Variants in PARD3 observed in about 807,000 individuals in gnomAD.
PARD3 encodes the protein partitioning defective 3 homolog.
In PARD3, 75 loss-of-function variants were observed where a neutral mutation model predicts 155.4. The observed-to-expected ratio is 0.48, with a 90% CI of 0.40 to 0.58. PARD3 has a LOEUF of 0.58. PARD3 is among the 20% of genes least tolerant of loss of function. PARD3 has a pLI of 0.00. For synonymous variants in PARD3, 576 were observed against 610.5 expected (o/e 0.94, Z 0.83); for missense variants, 1,642 against 1,721.7 (o/e 0.95, Z 0.82).
chr10:34,492,130 T>C (rs543588743), intron 3 of PARD3, among the ~76,000 whole-genome samples: 10 of 152,310 alleles, frequency 6.6e-5, no homozygotes, highest in African/African-American at 2.2e-4. Context: ...ATCAATCTTA[T>C]TTGATTTTAC....
chr10:34,286,827 C>G (rs1589058095), intron 20 of PARD3, among the ~76,000 whole-genome samples: 2 of 152,188 alleles, frequency 1.3e-5, no homozygotes, highest in East Asian at 3.9e-4. Context: ...GGAGAACGGT[C>G]AGGAGGCTAT....
rs945798595 is a variant in PARD3, at chr10:34,382,637, A to G, written c.1302T>C (p.Ala434=). ...SAHPSGKPPS[A]PASAPQNVFS... ...ATACATTCTGAGGTGCCGAGGCTGGAGCGGATGGTGGTTTTCCCGAGGGGT... is the reference window on the plus strand; with the variant it reads ...ATACATTCTGAGGTGCCGAGGCTGGGGCGGATGGTGGTTTTCCCGAGGGGT... Residue 434 remains alanine (A), a synonymous_variant, in exon 9 of 25, where the codon GCT becomes GCC. Coordinates refer to ENST00000374788, the MANE Select transcript of PARD3 (RefSeq NM_001184785.2). 6.2e-7 allele frequency: 1 copy of G among 1,613,990 alleles called. No individual in the cohort carries two copies. The highest frequency in any genetic ancestry group is 1.7e-5 in the Admixed American group (1 of 59,994).
At position 34,109,588 on chromosome 10, in the gene PARD3, G is replaced by A. The variant is rs1051255915; in HGVS notation, c.*1581C>T. On this transcript the variant is annotated 3_prime_UTR_variant, in exon 25 of 25. Coordinates refer to ENST00000374788, the MANE Select transcript of PARD3 (RefSeq NM_001184785.2). ...CAGGAAGAAATATGCCTTTTATTAG[G>A]AGTTGCATATGTACAGAGAAAGCTG... 5.3e-5 allele frequency: 8 copies of A among 152,126 alleles called. No individual in the cohort carries two copies. The highest frequency in any genetic ancestry group is 1.7e-4 in the African/African-American group (7 of 41,486). 9.4% of individuals were successfully genotyped at this position (152,126 alleles called of 1,614,324 possible).
intron 1 of PARD3, among the ~76,000 whole-genome samples, chr10:34,802,924 T>G (rs1190557163): frequency 6.6e-6 from 1 of 151,810 alleles, no homozygotes. Flanking sequence ...AAGCAGGTGG[T>G]ATTAAAAGGT....
chr10:34,185,626 T>G (rs963008648), intron 22 of PARD3, among the ~76,000 whole-genome samples: 1 of 151,924 alleles, frequency 6.6e-6, no homozygotes, highest in Non-Finnish European at 1.5e-5. Flanking sequence ...CTTTAAGATA[T>G]TTTTTGCCTC....
At chr10:34,278,142 G>C (rs1286713867) in intron 21 of PARD3, among the ~76,000 whole-genome samples, 1 of 151,886 alleles carries the variant, frequency 6.6e-6, no homozygotes, top group African/African-American at 2.4e-5. Context: ...GAACTCCTGG[G>C]CTCAAGACAT....
At chr10:34,417,645 T>C (rs1001316285) in intron 5 of PARD3, among the ~76,000 whole-genome samples, 3 of 152,236 alleles carry the variant, frequency 2.0e-5, no homozygotes, top group Admixed American at 6.5e-5. Flanking sequence ...AAGGAAATAA[T>C]GAGTGCATTT....
Position 34,517,092 on chromosome 10 carries a change from C to T in PARD3, c.290G>A (p.Gly97Asp), listed in dbSNP as rs768411567. Residue 97 changes from glycine to aspartate, a missense_variant, in exon 3 of 25, where the codon GGT becomes GAT. By Grantham distance (94) the Gly-to-Asp change is moderately conservative (BLOSUM62 -1). This residue lies in a region of PARD3 where 38 missense variants were observed against 69.1 expected (regional missense o/e 0.55). Transcript: ENST00000374788. ...ACCAAATATCTCTGGGCTCTGGGTA[C>T]CCGTGGAACTGGCACTGGTGCCATC... ...GGDGTSASST[G>D]TQSPEIFGSE... 2 of 1,614,168 alleles carry T rather than the reference C, an allele frequency of 1.2e-6. No individual in the cohort carries two copies. Among genetic ancestry groups the T allele is most frequent in the East Asian group, 2.2e-5 (1 of 44,868 alleles).
intron 5 of PARD3, among the ~76,000 whole-genome samples, chr10:34,446,012 T>C (rs940436745): frequency 1.3e-5 from 2 of 152,170 alleles, no homozygotes; most frequent in Non-Finnish European, 2.9e-5. Flanking sequence ...GATTTTGATA[T>C]GGGCAGAAGA....
chr10:34,208,014 C>T (rs545900618), intron 22 of PARD3, among the ~76,000 whole-genome samples: 13 of 152,202 alleles, frequency 8.5e-5, no homozygotes, highest in Admixed American at 2.6e-4. Flanking sequence ...AAAGAACACA[C>T]CTTTTTATTT....
In PARD3 at chr10:34,178,560, A is replaced by C. The variant is rs1950134226; in HGVS notation, c.3420-46977T>G. ...AAGGAAAAACAGGGATAAGAAAGTA[A>C]ACCTCCTGGATCCTCCTCAAAATAG... On this transcript the variant is annotated intron_variant, in intron 22 of 24. Transcript: ENST00000374788. Among the ~76,000 whole-genome samples, 3 of 152,198 alleles carry C rather than the reference A, an allele frequency of 2.0e-5. No individual in the cohort carries two copies. In the South Asian group the frequency reaches 6.2e-4, roughly 32 times the overall value.
At chr10:34,229,468 T>G (rs1043427314) in intron 22 of PARD3, among the ~76,000 whole-genome samples, 1 of 152,066 alleles carries the variant, frequency 6.6e-6, no homozygotes, top group African/African-American at 2.4e-5. Context: ...GGCTGGTCTC[T>G]GAACTTCTGA....
intron 1 of PARD3, 32 bp downstream of exon 1, chr10:34,814,843 GC>G: frequency 4.4e-6 from 3 of 684,248 alleles, no homozygotes; most frequent in Admixed American, 3.5e-5. Flanking sequence ...CCCCGCCGCC[GC>G]CCCCTCCCCG....
intron 2 of PARD3, among the ~76,000 whole-genome samples, chr10:34,537,262 C>A (rs1379221119): frequency 6.6e-6 from 1 of 152,180 alleles, no homozygotes; most frequent in Non-Finnish European, 1.5e-5. Context: ...CCTTGGCCTC[C>A]CAAAGCACTG....
intron 2 of PARD3, among the ~76,000 whole-genome samples, chr10:34,605,938 T>C: frequency 8.1e-6 from 1 of 124,200 alleles, no homozygotes; most frequent in Non-Finnish European, 1.6e-5. Context: ...CTCCTATATA[T>C]ATATATCTCC....
chr10:34,277,853 T>C (rs1015517273), intron 21 of PARD3, among the ~76,000 whole-genome samples: 1 of 152,140 alleles, frequency 6.6e-6, no homozygotes, highest in African/African-American at 2.4e-5. Context: ...TCCATAAGCC[T>C]TTGTGCTTAG....
At chr10:34,402,006 T>C (rs1843938499) in intron 5 of PARD3, 89 bp from the exon 6 acceptor site, 2 of 981,296 alleles carry the variant, frequency 2.0e-6, no homozygotes, top group East Asian at 4.8e-5. Flanking sequence ...GGAAGTCTAA[T>C]AGGCATTATG....
At chr10:34,707,510 G>A (rs1301173742) in intron 1 of PARD3, among the ~76,000 whole-genome samples, 1 of 152,130 alleles carries the variant, frequency 6.6e-6, no homozygotes, top group Admixed American at 6.5e-5. Flanking sequence ...TGTTTCTGAT[G>A]CACACTGAGG....
intron 1 of PARD3, among the ~76,000 whole-genome samples, chr10:34,795,106 T>A (rs1211817013): frequency 3.3e-5 from 5 of 152,232 alleles, no homozygotes; most frequent in Non-Finnish European, 7.3e-5. Flanking sequence ...CTTGGGATAC[T>A]GTCCAGGAGC....
Sources: gnomAD v4.1 joint callset for allele counts (sites outside exome capture counted in the v4.1 genomes callset) on GRCh38, gnomAD v4.1.1 for gene constraint, gnomAD v4.1.1 regional missense constraint, MANE v1.5 for transcripts, NCBI Gene and HGNC (gene_info 2026-07-23, HGNC 2026-07-21) for gene names.